EDIL3: variants seen among roughly 807,000 people sequenced by gnomAD.
EDIL3 encodes the protein EGF-like repeat and discoidin I-like domain-containing protein 3.
Under a neutral mutation model 67.4 loss-of-function variants are expected in EDIL3, and 37 were observed. That is an observed-to-expected ratio of 0.55 (90% CI 0.42 to 0.72). The LOEUF is 0.72. Among genes scored for constraint, EDIL3 ranks in the 30% least tolerant of loss-of-function variants. The probability of loss-of-function intolerance (pLI) is 0.00; values close to 1 mark genes in which losing one functional copy is unlikely to be tolerated. For missense variants in EDIL3, 527 were observed against 586.3 expected, an observed-to-expected ratio of 0.90 and a Z score of 1.04; for synonymous variants, 195 against 196.3, an observed-to-expected ratio of 0.99 and a Z score of 0.05.
chr5:84,230,763 A>ATGTGTGTGTGTG (rs59552122), intron 2 of EDIL3, among the ~76,000 whole-genome samples: 22,304 of 136,970 alleles, frequency 0.16, 1,968 homozygotes, highest in Middle Eastern at 0.21. Flanking sequence ...CCACTACGTG[A>ATGTGTGTGTGTG]TGTGTGTGTG....
intron 2 of EDIL3, among the ~76,000 whole-genome samples, chr5:84,241,232 C>T (rs1030520130): frequency 1.3e-5 from 2 of 152,214 alleles, no homozygotes; most frequent in Non-Finnish European, 2.9e-5. Context: ...GGGTAGATCA[C>T]AGGCTCTCCA....
intron 2 of EDIL3, among the ~76,000 whole-genome samples, chr5:84,242,503 A>G (rs1387708805): frequency 6.6e-6 from 1 of 152,148 alleles, no homozygotes; most frequent in Non-Finnish European, 1.5e-5. Flanking sequence ...CTGGAATTAG[A>G]AGTATTATTT....
At chr5:84,257,361 T>C (rs560542652) in intron 1 of EDIL3, among the ~76,000 whole-genome samples, 78 of 152,346 alleles carry the variant, frequency 5.1e-4, no homozygotes, top group African/African-American at 1.8e-3. Context: ...TTAACTGACA[T>C]GTTTTTCTCT....
chr5:84,046,064 G>A (rs962130784), intron 9 of EDIL3, among the ~76,000 whole-genome samples: 1 of 152,152 alleles, frequency 6.6e-6, no homozygotes, highest in African/African-American at 2.4e-5. Context: ...ACATATCGTT[G>A]GGTTGTGGGC....
chr5:84,283,678 C>T (rs1404803639), intron 1 of EDIL3, among the ~76,000 whole-genome samples: 3 of 152,174 alleles, frequency 2.0e-5, no homozygotes, highest in Non-Finnish European at 4.4e-5. Context: ...CTGGGCACCA[C>T]AGTGCATTAT....
At chr5:84,132,375 A>T (rs561564091) in intron 5 of EDIL3, among the ~76,000 whole-genome samples, 9 of 19,676 alleles carry the variant, frequency 4.6e-4, no homozygotes, top group African/African-American at 1.5e-3. Flanking sequence ...TATATATATT[A>T]TATATAATAT....
chr5:84,263,319 G>T (rs533472013), intron 1 of EDIL3, among the ~76,000 whole-genome samples: 1 of 152,288 alleles, frequency 6.6e-6, no homozygotes, highest in Non-Finnish European at 1.5e-5. Flanking sequence ...GGGCCAAGAA[G>T]TACTGTCTTG....
chr5:84,190,409 T>A (rs1743554845), intron 3 of EDIL3, among the ~76,000 whole-genome samples: 1 of 151,828 alleles, frequency 6.6e-6, no homozygotes, highest in South Asian at 2.1e-4. Flanking sequence ...AGAATACACA[T>A]CAGCTTGCAG....
intron 4 of EDIL3, among the ~76,000 whole-genome samples, chr5:84,169,913 T>C (rs923324564): frequency 5.3e-5 from 8 of 151,998 alleles, no homozygotes; most frequent in African/African-American, 1.7e-4. Flanking sequence ...TGCCCAAGAG[T>C]GTAATTGCTG....
chr5:84,073,929 G>A (rs1461115441), intron 6 of EDIL3, among the ~76,000 whole-genome samples: 13 of 151,074 alleles, frequency 8.6e-5, no homozygotes, highest in East Asian at 7.8e-4. Flanking sequence ...GAGGCATCAC[G>A]CTACCTGACT....
At chr5:84,129,915 G>A (rs1462509482) in intron 5 of EDIL3, among the ~76,000 whole-genome samples, 2 of 152,054 alleles carry the variant, frequency 1.3e-5, no homozygotes, top group Non-Finnish European at 2.9e-5. Context: ...TACTAAAGGT[G>A]CTATCACATG....
At chr5:84,326,307 T>C (rs1272655618) in intron 1 of EDIL3, among the ~76,000 whole-genome samples, 1 of 152,000 alleles carries the variant, frequency 6.6e-6, no homozygotes, top group Non-Finnish European at 1.5e-5. Flanking sequence ...TATAAAATGG[T>C]TAAGACATGA....
intron 9 of EDIL3, among the ~76,000 whole-genome samples, chr5:84,046,220 C>A (rs561599917): frequency 2.6e-5 from 4 of 152,286 alleles, no homozygotes; most frequent in South Asian, 2.1e-4. Flanking sequence ...ACGATTGTTA[C>A]AATGTGGCAC....
chr5:84,240,456 G>A (rs1744774053), intron 2 of EDIL3, among the ~76,000 whole-genome samples: 1 of 152,176 alleles, frequency 6.6e-6, no homozygotes, highest in African/African-American at 2.4e-5. Context: ...CATGGGGCAT[G>A]AACCGGTATG....
intron 3 of EDIL3, among the ~76,000 whole-genome samples, chr5:84,209,146 G>A (rs1580378171): frequency 2.6e-5 from 4 of 151,252 alleles, no homozygotes; most frequent in South Asian, 4.2e-4. Flanking sequence ...AACACCGCAT[G>A]TTCTCACTCA....
At chr5:84,269,030 C>G (rs1212828791) in intron 1 of EDIL3, among the ~76,000 whole-genome samples, 2 of 152,130 alleles carry the variant, frequency 1.3e-5, no homozygotes, top group Admixed American at 1.3e-4. Context: ...GAACTTTAAA[C>G]ACCCTCTTCT....
At chr5:84,344,941 C>T (rs1381829019) in intron 1 of EDIL3, among the ~76,000 whole-genome samples, 1 of 152,098 alleles carries the variant, frequency 6.6e-6, no homozygotes, top group Non-Finnish European at 1.5e-5. Flanking sequence ...AGTTAGATCA[C>T]TTATACCAAA....
intron 3 of EDIL3, 63 bp from the exon 4 acceptor site, chr5:84,180,584 C>T (rs2112357665): frequency 2.1e-6 from 3 of 1,457,352 alleles, no homozygotes; most frequent in Admixed American, 2.7e-5. Flanking sequence ...ATTAGGTCAA[C>T]ATTTTGCAAT....
At position 84,262,677 on chromosome 5, in the gene EDIL3, T is replaced by TTTTTTTTTTTTA. The variant is rs1289100006; in HGVS notation, c.68-8466_68-8465insTAAAAAAAAAAA. Among the ~76,000 whole-genome samples the TTTTTTTTTTTTA allele has an allele frequency of 6.6e-5, 8 of 121,840 alleles. No individual in the cohort carries two copies. In the East Asian group the frequency reaches 1.7e-3, roughly 26 times the overall value. The allele number at this position is 121,840 out of a possible 152,430, so 79.9% of individuals were successfully genotyped here. ...TTGGTTGGTTTTTTTTTTTTTTTTT[T>TTTTTTTTTTTTA]TTTTTTTTTTTTGAGATGAAGTCTC... On this transcript the variant is annotated intron_variant, in intron 1 of 10. Transcript: ENST00000296591.
Sources: gnomAD v4.1 joint callset for allele counts (sites outside exome capture counted in the v4.1 genomes callset) on GRCh38, gnomAD v4.1.1 for gene constraint, MANE v1.5 for transcripts, NCBI Gene and HGNC (gene_info 2026-07-23, HGNC 2026-07-21) for gene names.